EEFSEC: variants seen among roughly 807,000 people sequenced by gnomAD.
EEFSEC encodes the protein eukaryotic elongation factor, selenocysteine-tRNA specific.
EEFSEC carries 43 observed loss-of-function variants against 42.1 expected under a neutral mutation model. The observed-to-expected ratio is 1.02, with a 90% CI of 0.80 to 1.32. The LOEUF is 1.32. Ranked by LOEUF, EEFSEC falls within the 40% of genes most tolerant of loss-of-function variation. EEFSEC has a pLI of 0.00. For synonymous variants in EEFSEC, 354 were observed against 339.1 expected, an observed-to-expected ratio of 1.04 and a Z score of -0.48; for missense variants, 745 against 803.6, an observed-to-expected ratio of 0.93 and a Z score of 0.88.
At chr3:128,382,789 A>T (rs2067792758) in intron 6 of EEFSEC, among the ~76,000 whole-genome samples, 1 of 152,110 alleles carries the variant, frequency 6.6e-6, no homozygotes, top group African/African-American at 2.4e-5. Context: ...TCAGAGCCAT[A>T]CTAGGATGAG....
the EEFSEC span, among the ~76,000 whole-genome samples, chr3:128,425,528 G>A: frequency 6.6e-6 from 1 of 152,250 alleles, no homozygotes; most frequent in Non-Finnish European, 1.5e-5. Context: ...CACCGTGGAA[G>A]GTCTGTGTTG....
At chr3:128,204,423 T>C (rs1030367890) in intron 1 of EEFSEC, among the ~76,000 whole-genome samples, 2 of 152,192 alleles carry the variant, frequency 1.3e-5, no homozygotes, top group African/African-American at 4.8e-5. Flanking sequence ...AATTATGACA[T>C]TTATTTCTTA....
intron 6 of EEFSEC, among the ~76,000 whole-genome samples, chr3:128,364,882 C>T (rs1372514136): frequency 6.6e-6 from 1 of 151,652 alleles, no homozygotes; most frequent in African/African-American, 2.4e-5. Flanking sequence ...GCCCTTTGCT[C>T]ACATCTACAC....
chr3:128,325,418 A>G (rs185186497), intron 4 of EEFSEC, among the ~76,000 whole-genome samples: 3 of 152,316 alleles, frequency 2.0e-5, no homozygotes, highest in Admixed American at 6.5e-5. Context: ...TGGGCAGGCT[A>G]CTGACTCTCA....
intron 1 of EEFSEC, among the ~76,000 whole-genome samples, chr3:128,244,547 ATTAT>A (rs1274757728): frequency 4.0e-4 from 59 of 147,980 alleles, no homozygotes; most frequent in African/African-American, 1.4e-3. Flanking sequence ...GTTTTATTGT[ATTAT>A]TTATTTATTT....
At chr3:128,279,118 C>G (rs2066497984) in intron 4 of EEFSEC, among the ~76,000 whole-genome samples, 1 of 152,174 alleles carries the variant, frequency 6.6e-6, no homozygotes, top group Admixed American at 6.5e-5. Flanking sequence ...CGCTGCCAAG[C>G]AGAGCGCAGC....
chr3:128,295,515 T>C (rs970914010), intron 4 of EEFSEC, among the ~76,000 whole-genome samples: 2 of 147,960 alleles, frequency 1.4e-5, no homozygotes, highest in African/African-American at 2.5e-5. Flanking sequence ...GTGTGTCTTA[T>C]TAAAAGTTCA....
rs371388291 is a variant in EEFSEC, at chr3:128,260,910, A to G, written c.525-1218A>G. Reference sequence around the variant, plus strand: ...CCTTGCTGTATCATTTTGCTGATCTATTAGTGAGTATTCACTCTTAGATGT... The same window carrying G: ...CCTTGCTGTATCATTTTGCTGATCTGTTAGTGAGTATTCACTCTTAGATGT... On this transcript the variant is annotated intron_variant, in intron 2 of 6. Transcript: ENST00000254730. Among the ~76,000 whole-genome samples the G allele has an allele frequency of 1.9e-4, 29 of 151,534 alleles. No individual in the cohort carries two copies. In the East Asian group the frequency reaches 5.0e-3, roughly 26 times the overall value.
Position 128,362,332 on chromosome 3 carries a change from CAT to C in EEFSEC, c.1600+3960_1600+3961del, listed in dbSNP as rs559978107. The C allele has an allele frequency of 1.2e-3, 576 of 471,778 alleles. 8 individuals carry two copies. Among genetic ancestry groups the C allele is most frequent in the African/African-American group, 0.011 (546 of 50,394 alleles). 29.2% of individuals were successfully genotyped at this position (471,778 alleles called of 1,614,324 possible). A position where few individuals can be genotyped will look rare whatever the true frequency, so the allele number is the denominator to read the frequency against. ...TGATGACTCCCAACTGGAGAAGAAT[CAT>C]GTGAGAAGCTGAATAGACTTGTTCC... On this transcript the variant is annotated intron_variant, in intron 6 of 6. Coordinates refer to ENST00000254730, the MANE Select transcript of EEFSEC (RefSeq NM_021937.5).
At chr3:128,302,436 T>C (rs2066779115) in intron 4 of EEFSEC, among the ~76,000 whole-genome samples, 1 of 152,182 alleles carries the variant, frequency 6.6e-6, no homozygotes, top group Non-Finnish European at 1.5e-5. Flanking sequence ...GGCCGACTGA[T>C]TTAATGCCCT....
intron 6 of EEFSEC, among the ~76,000 whole-genome samples, chr3:128,383,259 CTCACA>C (rs2067798340): frequency 6.6e-6 from 1 of 152,236 alleles, no homozygotes; most frequent in South Asian, 2.1e-4. Flanking sequence ...ACAGAAATAA[CTCACA>C]CCATGCTGGA....
downstream of EEFSEC, among the ~76,000 whole-genome samples, chr3:128,410,976 C>T (rs920135524): frequency 6.6e-6 from 1 of 152,174 alleles, no homozygotes; most frequent in African/African-American, 2.4e-5. Flanking sequence ...CCAGGAGCCT[C>T]TGAGCGCCCT....
intron 1 of EEFSEC, among the ~76,000 whole-genome samples, chr3:128,196,987 C>T (rs1305122531): frequency 1.3e-5 from 2 of 152,172 alleles, no homozygotes; most frequent in Admixed American, 1.3e-4. Flanking sequence ...GCTCTGGCCT[C>T]GTTTTTTAAA....
intron 4 of EEFSEC, among the ~76,000 whole-genome samples, chr3:128,293,755 T>C (rs113256203): frequency 2.1e-4 from 32 of 152,110 alleles, no homozygotes; most frequent in African/African-American, 6.7e-4. Context: ...AGAATGCCCT[T>C]TGTCACTTTC....
Position 128,192,250 on chromosome 3 carries a change from G to C in EEFSEC, c.316+38427G>C, listed in dbSNP as rs185500408. ...TATCCATCTGTAAAACAGGGCTGATGCCTCGTTTCTCTCCAGGCTGCCATG... is the reference window on the plus strand; with the variant it reads ...TATCCATCTGTAAAACAGGGCTGATCCCTCGTTTCTCTCCAGGCTGCCATG... On this transcript the variant is annotated intron_variant, in intron 1 of 6. Coordinates refer to ENST00000254730, the MANE Select transcript of EEFSEC (RefSeq NM_021937.5). Among the ~76,000 whole-genome samples the C allele has an allele frequency of 1.6e-4, 24 of 152,256 alleles. No individual in the cohort carries two copies. The East Asian group carries it at 4.4e-3, about 28-fold the overall frequency.
intron 6 of EEFSEC, chr3:128,367,867 G>A (rs1263098749): frequency 3.5e-5 from 34 of 983,108 alleles, no homozygotes; most frequent in Non-Finnish European, 3.7e-5. Context: ...CTGGTGACGC[G>A]TGCTGACTCC....
intron 1 of EEFSEC, among the ~76,000 whole-genome samples, chr3:128,229,443 C>A (rs2065938674): frequency 6.6e-6 from 1 of 152,194 alleles, no homozygotes. Context: ...ACCTTCCCCA[C>A]CCCCACCATG....
chr3:128,323,416 T>G (rs539028735), intron 4 of EEFSEC, among the ~76,000 whole-genome samples: 1 of 152,306 alleles, frequency 6.6e-6, no homozygotes, highest in East Asian at 1.9e-4. Flanking sequence ...GCCCATGCCA[T>G]TCTGTCGGCT....
intron 6 of EEFSEC, among the ~76,000 whole-genome samples, chr3:128,380,927 G>A (rs997616755): frequency 2.6e-5 from 4 of 152,206 alleles, no homozygotes; most frequent in African/African-American, 7.2e-5. Flanking sequence ...CACCGTTCCC[G>A]CCAGGTGATG....
Sources: gnomAD v4.1 joint callset for allele counts (sites outside exome capture counted in the v4.1 genomes callset) on GRCh38, gnomAD v4.1.1 for gene constraint, MANE v1.5 for transcripts, NCBI Gene and HGNC (gene_info 2026-07-23, HGNC 2026-07-21) for gene names.